Variants in CACNA2D4 observed in about 807,000 individuals in gnomAD.
The protein encoded by CACNA2D4 is calcium voltage-gated channel auxiliary subunit alpha2delta 4.
In CACNA2D4, 157 loss-of-function variants were observed where a neutral mutation model predicts 163.8. That is an observed-to-expected ratio of 0.96 (90% confidence interval 0.84 to 1.09). CACNA2D4 has a LOEUF of 1.09. Ranked by LOEUF, CACNA2D4 falls within the 50% of genes least tolerant of loss-of-function variation. The pLI, the probability that CACNA2D4 is intolerant of heterozygous loss-of-function variation, is 0.00. For synonymous variants in CACNA2D4, 598 were observed against 586.9 expected, an observed-to-expected ratio of 1.02 and a Z score of -0.27; for missense variants, 1,410 against 1,479.9, an observed-to-expected ratio of 0.95 and a Z score of 0.78.
At chr12:1,899,933 T>G (rs556668014) in intron 6 of CACNA2D4, among the ~76,000 whole-genome samples, 1 of 152,204 alleles carries the variant, frequency 6.6e-6, no homozygotes, top group South Asian at 2.1e-4. Context: ...ATAATCAAGT[T>G]AGGTTTCTCA....
At position 1,865,122 on chromosome 12, in the gene CACNA2D4, T is replaced by C. The variant is rs990212612; in HGVS notation, c.1879-4916A>G. ...GGCCCCGTGGGTGCCGCTCACGCTGTACCTGGCCACGGAGGGGAGAAGGGG... is the reference window on the plus strand; with the variant it reads ...GGCCCCGTGGGTGCCGCTCACGCTGCACCTGGCCACGGAGGGGAGAAGGGG... On this transcript the variant is annotated intron_variant, in intron 18 of 37. Coordinates refer to ENST00000382722, the MANE Select transcript of CACNA2D4 (RefSeq NM_172364.5). Among the ~76,000 whole-genome samples the C allele has an allele frequency of 2.6e-5, 4 of 152,254 alleles. No homozygotes were observed. The East Asian group carries it at 7.7e-4, about 29-fold the overall frequency.
intron 26 of CACNA2D4, among the ~76,000 whole-genome samples, chr12:1,818,785 AT>A (rs1863976306): frequency 7.4e-6 from 1 of 135,306 alleles, no homozygotes; most frequent in African/African-American, 3.0e-5. Flanking sequence ...AAATAAATAA[AT>A]TAAAAAAAAA....
chr12:1,886,496 C>T, intron 7 of CACNA2D4, 123 bp from the exon 8 acceptor site: 1 of 811,420 alleles, frequency 1.2e-6, no homozygotes, highest in Non-Finnish European at 1.9e-6. Flanking sequence ...TTCAGGGCAA[C>T]CCATCTATGC....
At position 1,849,427 on chromosome 12, in the gene CACNA2D4, G is replaced by C. The variant is rs114519690; in HGVS notation, c.2247-2738C>G. Among the ~76,000 whole-genome samples, 664 of 152,224 alleles carry C rather than the reference G, an allele frequency of 4.4e-3. 5 individuals are homozygous for C. Among genetic ancestry groups the C allele is most frequent in the African/African-American group, 0.016 (645 of 41,518 alleles). ...CTATTTCTAGCAATGTGATTACTGA[G>C]GACTGCTTAACATTTTATTTATTTA... On this transcript the variant is annotated intron_variant, in intron 23 of 37. Coordinates refer to ENST00000382722, the MANE Select transcript of CACNA2D4 (RefSeq NM_172364.5).
chr12:1,857,286 C>T (rs1865421200), intron 20 of CACNA2D4, among the ~76,000 whole-genome samples: 1 of 152,182 alleles, frequency 6.6e-6, no homozygotes, highest in South Asian at 2.1e-4. Flanking sequence ...AGACAGATGA[C>T]AGCTAAGCTG....
At chr12:1,889,639 G>A (rs1866231206) in intron 6 of CACNA2D4, among the ~76,000 whole-genome samples, 1 of 152,098 alleles carries the variant, frequency 6.6e-6, no homozygotes, top group Admixed American at 6.5e-5. Context: ...ATTTTAAAAT[G>A]TTATTGTATT....
chr12:1,860,290 TTCA>T (rs1865496236), intron 18 of CACNA2D4, 84 bp from the exon 19 acceptor site: 1 of 994,088 alleles, frequency 1.0e-6, no homozygotes, highest in East Asian at 2.5e-5. Context: ...TCTTGGGGTC[TTCA>T]TCGTCACTGT....
Position 1,883,707 on chromosome 12 carries a change from G to T in CACNA2D4, c.1351+536C>A, listed in dbSNP as rs1183879207. Among the ~76,000 whole-genome samples, 1 of 152,070 alleles carries T rather than the reference G, an allele frequency of 6.6e-6. No individual in the cohort carries two copies. The highest frequency in any genetic ancestry group is 6.5e-5 in the Admixed American group (1 of 15,278). ...GAGAGTGCCTCCCCCATGGCCCCCG[G>T]CACCCTGAACAGTCTGTGTCTCTCC... On this transcript the variant is annotated intron_variant, in intron 12 of 37. Coordinates refer to ENST00000382722, the MANE Select transcript of CACNA2D4 (RefSeq NM_172364.5). This position sits in a 1 kb window ranked among gnomAD's most constrained non-coding sequence, Gnocchi z 4.5.
Position 1,878,583 on chromosome 12 carries a change from T to A in CACNA2D4, c.1645-194A>T, listed in dbSNP as rs1865928881. On this transcript the variant is annotated intron_variant, in intron 15 of 37. Coordinates refer to ENST00000382722, the MANE Select transcript of CACNA2D4 (RefSeq NM_172364.5). The surrounding 1 kb of genome is among the most constrained non-coding windows in gnomAD (Gnocchi z 4.6). ...GGAGTCCTTTCCAAACCGGACTGTT[T>A]ATAGCAACCGTCATCATACATATTA... 1 of 1,013,328 alleles carries A rather than the reference T, an allele frequency of 9.9e-7. No homozygotes were observed. The highest frequency in any genetic ancestry group is 1.6e-5 in the African/African-American group (1 of 62,760). 62.8% of individuals were successfully genotyped at this position (1,013,328 alleles called of 1,614,324 possible).
chr12:1,792,875 A>G lies in CACNA2D4; in HGVS notation c.*780T>C, dbSNP rs1863015000. On this transcript the variant is annotated 3_prime_UTR_variant, in exon 38 of 38. Coordinates refer to ENST00000382722, the MANE Select transcript of CACNA2D4 (RefSeq NM_172364.5). ...TATTTTTGCCGTCCCCTGAATGTAC[A>G]TCAATTTCCATGCAGCAATTGGATG... 1 of 152,212 alleles carries G rather than the reference A, an allele frequency of 6.6e-6. No individual in the cohort carries two copies. The highest frequency in any genetic ancestry group is 1.5e-5 in the Non-Finnish European group (1 of 68,044). The allele number at this position is 152,212 out of a possible 1,614,324, so 9.4% of individuals were successfully genotyped here.
chr12:1,842,725 G>A (rs978271451), intron 25 of CACNA2D4, among the ~76,000 whole-genome samples: 1 of 152,086 alleles, frequency 6.6e-6, no homozygotes, highest in Non-Finnish European at 1.5e-5. Context: ...GCAGGGGCTG[G>A]GGCCTCATTA....
chr12:1,811,298 TCTC>T lies in CACNA2D4; in HGVS notation c.2613+361_2613+363del, dbSNP rs1863700081. On this transcript the variant is annotated intron_variant, in intron 27 of 37. Transcript: ENST00000382722. ...GACGAGGCCAGGCAGAGCTGGGAAT[TCTC>T]AGCCAGAAGCCGCTGTCGTCTCTGG... Among the ~76,000 whole-genome samples, 5 of 152,258 alleles carry T rather than the reference TCTC, an allele frequency of 3.3e-5. 1 individual carries two copies. Among genetic ancestry groups the T allele is most frequent in the Admixed American group, 3.3e-4 (5 of 15,302 alleles).
At chr12:1,822,949 C>T (rs975403732) in intron 26 of CACNA2D4, among the ~76,000 whole-genome samples, 1 of 152,212 alleles carries the variant, frequency 6.6e-6, no homozygotes, top group Non-Finnish European at 1.5e-5. Flanking sequence ...TGGAAGGGCA[C>T]GGCCCCTGCA....
intron 18 of CACNA2D4, among the ~76,000 whole-genome samples, chr12:1,866,286 T>G (rs1380448948): frequency 1.3e-5 from 2 of 152,226 alleles, no homozygotes; most frequent in Non-Finnish European, 2.9e-5. Flanking sequence ...ACTGATTAAT[T>G]TTTTCAATGT....
chr12:1,795,358 G>C lies in CACNA2D4; in HGVS notation c.3250C>G (p.Arg1084Gly), dbSNP rs762561386. Residue 1084 changes from arginine (R) to glycine (G), a missense_variant, in exon 37 of 38, where the codon CGG becomes GGG. Transcript: ENST00000382722. ...CGGCGGAGCTTCTGGGAGCGCATCC[G>C]GTCACATTTGACAGAGGCATTATGT... ...VKYNASVKCD[R>G]MRSQKLRRRP... 5.0e-6 allele frequency: 8 copies of C among 1,611,858 alleles called. No individual in the cohort carries two copies. Among genetic ancestry groups the C allele is most frequent in the Non-Finnish European group, 5.9e-6 (7 of 1,179,816 alleles).
At chr12:1,912,894 C>T (rs931227930) in intron 3 of CACNA2D4, 129 bp downstream of exon 3, 21 of 630,276 alleles carry the variant, frequency 3.3e-5, no homozygotes, top group Middle Eastern at 4.0e-4. Context: ...AGGTACAAGG[C>T]GGAATCTTGT....
chr12:1,874,594 A>T lies in CACNA2D4; in HGVS notation c.1878+10T>A. On this transcript the variant is annotated intron_variant, in intron 18 of 37. Coordinates refer to ENST00000382722, the MANE Select transcript of CACNA2D4 (RefSeq NM_172364.5). The surrounding 1 kb of genome is among the most constrained non-coding windows in gnomAD (Gnocchi z 4.4). ...CCTAGGCCATGCCCTGGCTGTTTCT[A>T]GCTCCTTACCCCTTTATCCATCGGA... 7 of 1,600,066 alleles carry T rather than the reference A, an allele frequency of 4.4e-6. No homozygotes were observed. Among genetic ancestry groups the T allele is most frequent in the Non-Finnish European group, 6.0e-6 (7 of 1,167,276 alleles).
At chr12:1,827,397 C>T (rs116885675) in intron 26 of CACNA2D4, 138 of 152,988 alleles carry the variant, frequency 9.0e-4, no homozygotes, top group Non-Finnish European at 1.6e-3. Flanking sequence ...GTGTCCCTGT[C>T]TCTTCCTAGC....
chr12:1,814,091 A>G (rs1748336425), intron 26 of CACNA2D4, among the ~76,000 whole-genome samples: 1 of 152,200 alleles, frequency 6.6e-6, no homozygotes, highest in Admixed American at 6.5e-5. Context: ...GGATTGAAGA[A>G]AGCTTCCTTC....
Sources: allele counts gnomAD v4.1 joint callset (sites outside exome capture counted in the v4.1 genomes callset), GRCh38; gene constraint gnomAD v4.1.1; non-coding constraint Gnocchi (gnomAD v3.1); transcripts MANE v1.5; gene names NCBI Gene and HGNC (gene_info 2026-07-23, HGNC 2026-07-21).